SLC4A10: variants seen among roughly 807,000 people sequenced by gnomAD.
SLC4A10 encodes the protein sodium-driven chloride bicarbonate exchanger.
In SLC4A10, 42 loss-of-function variants were observed where a neutral mutation model predicts 137.7. That is an observed-to-expected ratio of 0.30 (90% CI 0.24 to 0.39). The LOEUF is 0.39. SLC4A10 is among the 10% of genes least tolerant of loss of function. SLC4A10 has a pLI of 1.00. For missense variants in SLC4A10, 925 were observed against 1,355.0 expected (o/e 0.68, Z 4.98); for synonymous variants, 474 against 464.1 (o/e 1.02, Z -0.27).
At chr2:161,924,567 T>G (rs1229508180) in intron 15 of SLC4A10, among the ~76,000 whole-genome samples, 2 of 152,180 alleles carry the variant, frequency 1.3e-5, no homozygotes, top group African/African-American at 2.4e-5. Context: ...CATATATAAA[T>G]CTTGTATATT....
At chr2:161,805,619 C>T (rs2055860704) in intron 3 of SLC4A10, among the ~76,000 whole-genome samples, 1 of 152,196 alleles carries the variant, frequency 6.6e-6, no homozygotes, top group Non-Finnish European at 1.5e-5. Flanking sequence ...GTCCAAAATC[C>T]AGCAAGGCAA....
At chr2:161,693,144 G>C (rs575818786) in intron 1 of SLC4A10, among the ~76,000 whole-genome samples, 3 of 152,012 alleles carry the variant, frequency 2.0e-5, no homozygotes, top group Non-Finnish European at 4.4e-5. Flanking sequence ...ACCTTAGATG[G>C]CCCCTAAATT....
intron 10 of SLC4A10, among the ~76,000 whole-genome samples, chr2:161,893,555 C>T (rs2063137348): frequency 6.6e-6 from 1 of 151,740 alleles, no homozygotes; most frequent in Non-Finnish European, 1.5e-5. Context: ...AAAAATTAGC[C>T]AGGTTTTGTG....
chr2:161,795,881 G>C (rs2054719634), intron 2 of SLC4A10, among the ~76,000 whole-genome samples: 1 of 151,992 alleles, frequency 6.6e-6, no homozygotes, highest in Non-Finnish European at 1.5e-5. Flanking sequence ...TATCTTAAGT[G>C]CCAAATGAAT....
chr2:161,813,548 G>C (rs1575089587), intron 3 of SLC4A10, among the ~76,000 whole-genome samples: 1 of 152,084 alleles, frequency 6.6e-6, no homozygotes, highest in African/African-American at 2.4e-5. Flanking sequence ...GAACGTCTTA[G>C]AGTGTAAAAA....
chr2:161,847,774 A>C (rs1383317570), intron 4 of SLC4A10, among the ~76,000 whole-genome samples: 1 of 152,150 alleles, frequency 6.6e-6, no homozygotes, highest in Non-Finnish European at 1.5e-5. Context: ...ACAGTCCACC[A>C]CTGGTAGGCA....
chr2:161,688,803 A>T (rs2041692882), intron 1 of SLC4A10, among the ~76,000 whole-genome samples: 1 of 152,134 alleles, frequency 6.6e-6, no homozygotes, highest in Non-Finnish European at 1.5e-5. Flanking sequence ...ATTTTCTATT[A>T]TGGTCATGTG....
At chr2:161,665,117 CA>C (rs959157475) in intron 1 of SLC4A10, among the ~76,000 whole-genome samples, 1 of 151,614 alleles carries the variant, frequency 6.6e-6, no homozygotes, top group Non-Finnish European at 1.5e-5. Context: ...GGGTTCAATC[CA>C]AAAATAGTAG....
Position 161,822,491 on chromosome 2 carries a change from C to CT in SLC4A10, c.278-17290dup, listed in dbSNP as rs771648394. ...TGTAACTCTAGAATCACAAATTGTG[C>CT]TTTTTTTTAAATGGCTATTCAAAGT... On this transcript the variant is annotated intron_variant, in intron 3 of 26. Coordinates refer to ENST00000446997, the MANE Select transcript of SLC4A10 (RefSeq NM_001178015.2). Among the ~76,000 whole-genome samples the CT allele has an allele frequency of 7.5e-4, 114 of 152,012 alleles. No individual in the cohort carries two copies. The Middle Eastern group carries it at 0.02, about 27-fold the overall frequency.
chr2:161,740,873 A>T (rs1235682888), intron 1 of SLC4A10, among the ~76,000 whole-genome samples: 2 of 152,182 alleles, frequency 1.3e-5, no homozygotes, highest in Non-Finnish European at 2.9e-5. Context: ...TATGTTTAAG[A>T]TATATTAAGA....
Position 161,958,537 on chromosome 2 carries a change from A to G in SLC4A10, c.2844A>G (p.Ser948=), listed in dbSNP as rs550348345. 2 of 1,610,766 alleles carry G rather than the reference A, an allele frequency of 1.2e-6. No homozygotes were observed. Among genetic ancestry groups the G allele is most frequent in the East Asian group, 2.2e-5 (1 of 44,658 alleles). The part of the protein sequence containing the change: ...LYGVFLYMGA[S]SLKGIQFFDR... ...GAGTGTTTCTTTATATGGGTGCTTC[A>G]TCTCTAAAGGGAATTCAGGTAAATT... Residue 948 remains serine, a synonymous_variant, in exon 21 of 27, where the codon TCA becomes TCG. Transcript: ENST00000446997.
At chr2:161,695,644 C>T (rs538606441) in intron 1 of SLC4A10, among the ~76,000 whole-genome samples, 30 of 152,138 alleles carry the variant, frequency 2.0e-4, no homozygotes, top group African/African-American at 6.3e-4. Flanking sequence ...TTATAATGAT[C>T]GTTGCACTTA....
At chr2:161,835,521 A>G (rs2058712284) in intron 3 of SLC4A10, among the ~76,000 whole-genome samples, 1 of 152,218 alleles carries the variant, frequency 6.6e-6, no homozygotes, top group Admixed American at 6.5e-5. Flanking sequence ...TATGAGGATG[A>G]GCTTCCTGGA....
At chr2:161,897,959 T>C (rs145852079) in intron 11 of SLC4A10, among the ~76,000 whole-genome samples, 35 of 152,262 alleles carry the variant, frequency 2.3e-4, no homozygotes, top group Admixed American at 2.2e-3. Context: ...AATAATGTTT[T>C]TGAGGCAAGT....
chr2:161,913,367 A>G (rs1029547875), intron 15 of SLC4A10, among the ~76,000 whole-genome samples: 2 of 152,284 alleles, frequency 1.3e-5, no homozygotes, highest in African/African-American at 4.8e-5. Context: ...CCAAAAATTT[A>G]CTGGCTTTTT....
At chr2:161,972,063 C>G (rs765156509) in intron 23 of SLC4A10, among the ~76,000 whole-genome samples, 26 of 152,176 alleles carry the variant, frequency 1.7e-4, no homozygotes, top group Non-Finnish European at 3.1e-4. Flanking sequence ...CTGTTCTTCT[C>G]TTCAGCTTTT....
chr2:161,737,051 G>T (rs1007949888), intron 1 of SLC4A10, among the ~76,000 whole-genome samples: 1 of 151,516 alleles, frequency 6.6e-6, no homozygotes, highest in Non-Finnish European at 1.5e-5. Flanking sequence ...TGGAGACAGT[G>T]TCTCACCGTG....
intron 1 of SLC4A10, among the ~76,000 whole-genome samples, chr2:161,706,044 T>A (rs1385230316): frequency 6.6e-6 from 1 of 151,626 alleles, no homozygotes; most frequent in Non-Finnish European, 1.5e-5. Context: ...TTTTTAGTAA[T>A]TAATTGTGTT....
Position 161,983,309 on chromosome 2 carries a change from C to T in SLC4A10, c.*157C>T. 7.0e-7 allele frequency: 1 copy of T among 1,422,304 alleles called. No individual in the cohort carries two copies. The allele number at this position is 1,422,304 out of a possible 1,614,324, so 88.1% of individuals were successfully genotyped here. On this transcript the variant is annotated 3_prime_UTR_variant, in exon 27 of 27. Coordinates refer to ENST00000446997, the MANE Select transcript of SLC4A10 (RefSeq NM_001178015.2). ...AGTGTCACAATTATTAATAAAACTG[C>T]TTTGATCATGTATTGTAAATTCTGT...
Sources: allele counts gnomAD v4.1 joint callset (sites outside exome capture counted in the v4.1 genomes callset), GRCh38; gene constraint gnomAD v4.1.1; transcripts MANE v1.5; gene names NCBI Gene and HGNC (gene_info 2026-07-23, HGNC 2026-07-21).